ADGRE1: variants seen among roughly 807,000 people sequenced by gnomAD.
The protein encoded by ADGRE1 is EGF-like module receptor 1.
Under a neutral mutation model 102.7 loss-of-function variants are expected in ADGRE1, and 82 were observed. The ratio of observed to expected loss-of-function variants is 0.80; its 90% CI spans 0.67 to 0.96. The LOEUF is 0.96. Among genes scored for constraint, ADGRE1 ranks in the 40% least tolerant of loss-of-function variants. ADGRE1 has a pLI of 0.00. For synonymous variants in ADGRE1, 398 were observed against 399.6 expected (o/e 1.00, Z 0.05); for missense variants, 1,032 against 1,085.3 (o/e 0.95, Z 0.69).
chr19:6,929,647 C>A (rs1310002209), intron 17 of ADGRE1, among the ~76,000 whole-genome samples: 1 of 151,970 alleles, frequency 6.6e-6, no homozygotes, highest in Non-Finnish European at 1.5e-5. Flanking sequence ...CTCAGCCTCC[C>A]GAATAGCTGG....
At position 6,902,025 on chromosome 19, in the gene ADGRE1, G is replaced by A; in HGVS notation, c.661+4G>A. On this transcript the variant is annotated splice_donor_region_variant and intron_variant, in intron 6 of 20. Coordinates refer to ENST00000312053, the MANE Select transcript of ADGRE1 (RefSeq NM_001974.5). ...GGTCTCAAAGCATCGTGTGAAGGTA[G>A]GTGGGGGTGTCTTCTGAGAAGTCAG... 1 of 1,614,130 alleles carries A rather than the reference G, an allele frequency of 6.2e-7. No individual in the cohort carries two copies. The highest frequency in any genetic ancestry group is 2.2e-5 in the East Asian group (1 of 44,884).
intron 2 of ADGRE1, chr19:6,895,306 G>A (rs1973510660): frequency 6.6e-6 from 1 of 152,232 alleles, no homozygotes; most frequent in East Asian, 1.9e-4. Context: ...TTCACCAGGT[G>A]GCCACAGCTA....
intron 17 of ADGRE1, among the ~76,000 whole-genome samples, chr19:6,929,696 T>C (rs1181838647): frequency 6.6e-6 from 1 of 152,076 alleles, no homozygotes; most frequent in Non-Finnish European, 1.5e-5. Flanking sequence ...CAATTTTGTA[T>C]TTTTAATAGA....
chr19:6,920,231 C>CTT (rs1555715827), intron 13 of ADGRE1, among the ~76,000 whole-genome samples: 2 of 79,808 alleles, frequency 2.5e-5, no homozygotes, highest in African/African-American at 1.6e-4. Flanking sequence ...GTGGTTGCTT[C>CTT]TTTTTTTTTT....
chr19:6,898,634 G>A lies in ADGRE1; in HGVS notation c.514+1087G>A, dbSNP rs1424796198. On this transcript the variant is annotated intron_variant, in intron 5 of 20. Coordinates refer to ENST00000312053, the MANE Select transcript of ADGRE1 (RefSeq NM_001974.5). ...AGCGTCTGCCCTGAGCATTCTGACT[G>A]TGTCAACTCCATGGGAAGCTACAAT... 2.8e-6 allele frequency: 4 copies of A among 1,427,546 alleles called. No homozygotes were observed. The Admixed American group carries it at 7.5e-5, about 27-fold the overall frequency. The allele number at this position is 1,427,546 out of a possible 1,614,324, so 88.4% of individuals were successfully genotyped here. A position where few individuals can be genotyped will look rare whatever the true frequency, so the allele number is the denominator to read the frequency against.
chr19:6,927,860 G>C (rs1974985256), intron 16 of ADGRE1, among the ~76,000 whole-genome samples: 2 of 152,174 alleles, frequency 1.3e-5, no homozygotes, highest in African/African-American at 4.8e-5. Flanking sequence ...GTGTACCAGT[G>C]GAGAGTTCTG....
chr19:6,937,754 C>A, intron 20 of ADGRE1, 106 bp downstream of exon 20: 2 of 951,132 alleles, frequency 2.1e-6, no homozygotes, highest in Non-Finnish European at 3.3e-6. Context: ...GCTGAGGGTG[C>A]CCACCCTAGT....
chr19:6,929,105 C>T (rs939197642), intron 17 of ADGRE1, among the ~76,000 whole-genome samples: 3 of 152,192 alleles, frequency 2.0e-5, no homozygotes, highest in Non-Finnish European at 4.4e-5. Context: ...ATGAGTCTCT[C>T]TGAAGCAGTG....
chr19:6,931,827 C>G (rs971213498), intron 17 of ADGRE1, among the ~76,000 whole-genome samples: 2 of 151,726 alleles, frequency 1.3e-5, no homozygotes, highest in African/African-American at 2.4e-5. Context: ...GAACACTAGT[C>G]ATATTTCAGT....
intron 10 of ADGRE1, 118 bp downstream of exon 10, chr19:6,908,890 T>A: frequency 1.1e-6 from 1 of 879,538 alleles, no homozygotes; most frequent in Non-Finnish European, 1.7e-6. Flanking sequence ...TCCCAGCACT[T>A]TGGGAGATTG....
chr19:6,898,899 G>C (rs1172409767), intron 5 of ADGRE1, among the ~76,000 whole-genome samples: 1 of 152,042 alleles, frequency 6.6e-6, no homozygotes, highest in African/African-American at 2.4e-5. Flanking sequence ...GGCAGCACAT[G>C]GTTTGGTCTT....
intron 16 of ADGRE1, among the ~76,000 whole-genome samples, chr19:6,927,850 G>T (rs1394729331): frequency 6.6e-6 from 1 of 152,082 alleles, no homozygotes; most frequent in Non-Finnish European, 1.5e-5. Flanking sequence ...GAATGATAAG[G>T]TGTACCAGTG....
chr19:6,922,615 C>CACACAA (rs1209824462), intron 14 of ADGRE1, among the ~76,000 whole-genome samples: 29 of 15,402 alleles, frequency 1.9e-3, no homozygotes, highest in African/African-American at 5.1e-3. Flanking sequence ...CTCTGTCTCA[C>CACACAA]ACACACACAC....
At chr19:6,928,469 T>C (rs539875767) in intron 17 of ADGRE1, 1 of 721,006 alleles carries the variant, frequency 1.4e-6, no homozygotes, top group Non-Finnish European at 2.1e-6. Flanking sequence ...CTGCTAAAAA[T>C]ACAAAAAATT....
At chr19:6,915,388 C>G (rs761209959) in intron 11 of ADGRE1, among the ~76,000 whole-genome samples, 1 of 152,116 alleles carries the variant, frequency 6.6e-6, no homozygotes, top group Non-Finnish European at 1.5e-5. Flanking sequence ...TACAAGGATA[C>G]TTCTTGTTCC....
rs330877 is a variant in ADGRE1 at position 6,896,472 on chromosome 19, G to A, written c.169G>A (p.Ala57Thr). The change falls in exon 3 of 21, where the codon GCT becomes ACT. Residue 57 changes from alanine to threonine, a missense_variant. By Grantham distance (58) the Ala-to-Thr change is moderately conservative (BLOSUM62 0). Transcript: ENST00000312053. ...CTNTVDSYYCACKQGFLSSNG... is the reference protein window; with the variant it reads ...CTNTVDSYYCTCKQGFLSSNG... ...CAATACAGTGGACAGTTACTATTGCGCTTGCAAACAAGGCTTCCTGTCCAG... is the reference window on the plus strand; with the variant it reads ...CAATACAGTGGACAGTTACTATTGCACTTGCAAACAAGGCTTCCTGTCCAG... 0.3 allele frequency: 482,926 copies of A among 1,613,654 alleles called. 73,891 individuals are homozygous for A. The highest frequency in any genetic ancestry group is 0.37 in the Admixed American group (22,318 of 59,984).
At chr19:6,921,564 C>T (rs1974666965) in intron 13 of ADGRE1, 149 bp from the exon 14 acceptor site, 2 of 909,866 alleles carry the variant, frequency 2.2e-6, no homozygotes, top group African/African-American at 1.7e-5. Flanking sequence ...GCCCTCACTG[C>T]ATAATGAAAT....
At chr19:6,918,376 C>T (rs1040227620) in intron 12 of ADGRE1, among the ~76,000 whole-genome samples, 9 of 151,646 alleles carry the variant, frequency 5.9e-5, no homozygotes, top group African/African-American at 1.2e-4. Context: ...GGAAGGCAGA[C>T]GTTGCAGTGA....
chr19:6,896,930 C>G (rs330878), intron 3 of ADGRE1: 201,258 of 562,104 alleles, frequency 0.36, 41,054 homozygotes, highest in African/African-American at 0.71. Flanking sequence ...CAAGGTAGAA[C>G]TACATGATAT....
Sources: allele counts gnomAD v4.1 joint callset (sites outside exome capture counted in the v4.1 genomes callset), GRCh38; gene constraint gnomAD v4.1.1; transcripts MANE v1.5; gene names NCBI Gene and HGNC (gene_info 2026-07-23, HGNC 2026-07-21).